Variants in EHBP1 observed in about 807,000 individuals in gnomAD.
The protein encoded by EHBP1 is EH domain binding protein 1, also known as EH domain-binding protein 1.
A neutral mutation model predicts 144.0 loss-of-function variants in EHBP1; 55 were observed. The observed-to-expected ratio is 0.38, with a 90% confidence interval of 0.31 to 0.48. The LOEUF is 0.48. Among genes scored for constraint, EHBP1 ranks in the 20% least tolerant of loss-of-function variants. EHBP1 has a pLI of 0.98. For synonymous variants in EHBP1, 469 were observed against 472.7 expected, an observed-to-expected ratio of 0.99 and a Z score of 0.10; for missense variants, 1,200 against 1,364.2, an observed-to-expected ratio of 0.88 and a Z score of 1.90.
intron 19 of EHBP1, among the ~76,000 whole-genome samples, chr2:63,023,707 A>G (rs1038718016): frequency 7.2e-5 from 11 of 152,276 alleles, no homozygotes; most frequent in Admixed American, 7.2e-4. Context: ...CCCTACTAGC[A>G]TGTTGTCCTC....
At chr2:63,026,334 G>GTGTGTGTC (rs1553517844) in intron 19 of EHBP1, among the ~76,000 whole-genome samples, 6 of 150,098 alleles carry the variant, frequency 4.0e-5, no homozygotes, top group African/African-American at 1.5e-4. Context: ...GTGTGTGTGT[G>GTGTGTGTC]TGTGTGTGTG....
intron 5 of EHBP1, among the ~76,000 whole-genome samples, chr2:62,773,155 C>T (rs902809418): frequency 2.0e-5 from 3 of 152,050 alleles, no homozygotes; most frequent in Admixed American, 6.6e-5. Context: ...TAAACCGAAA[C>T]GAGACAAACA....
At chr2:62,685,464 C>T (rs2033686936) in intron 1 of EHBP1, among the ~76,000 whole-genome samples, 1 of 152,074 alleles carries the variant, frequency 6.6e-6, no homozygotes, top group South Asian at 2.1e-4. Flanking sequence ...TCTGTGCCTT[C>T]ATCTTCACAT....
At chr2:62,878,498 C>T (rs886202568) in intron 10 of EHBP1, among the ~76,000 whole-genome samples, 3 of 152,136 alleles carry the variant, frequency 2.0e-5, no homozygotes, top group African/African-American at 7.2e-5. Flanking sequence ...CAAAACTTGG[C>T]AAAGACACAA....
At chr2:62,848,401 A>G (rs369517230) in intron 7 of EHBP1, among the ~76,000 whole-genome samples, 15 of 152,066 alleles carry the variant, frequency 9.9e-5, no homozygotes, top group African/African-American at 3.6e-4. Context: ...GTTTCTTACA[A>G]CACTGAACAT....
rs572834429 is a variant in EHBP1, at chr2:62,696,164, C to CTCTCTTTCTT, written c.-295-10730_-295-10729insCTTTCTTTCT. ...CCTTTCTCTCTCTCTCTCTCTCTCT[C>CTCTCTTTCTT]TCTTTCTTTCTTTCTTTGCTTTTTG... On this transcript the variant is annotated intron_variant, in intron 1 of 22. Coordinates refer to the EHBP1 transcript ENST00000405015. 1.8e-4 allele frequency among the ~76,000 whole-genome samples: 25 copies of CTCTCTTTCTT among 135,676 alleles called. No homozygotes were observed. In the South Asian group the frequency reaches 4.7e-3, roughly 25 times the overall value. The allele number at this position is 135,676 out of a possible 152,430, so 89.0% of individuals were successfully genotyped here.
chr2:62,917,000 G>A (rs1338631385), intron 10 of EHBP1, among the ~76,000 whole-genome samples: 1 of 151,898 alleles, frequency 6.6e-6, no homozygotes, highest in Non-Finnish European at 1.5e-5. Context: ...TAATGATTGG[G>A]ATACATTCTG....
At chr2:62,938,553 C>T (rs1270566467) in intron 10 of EHBP1, among the ~76,000 whole-genome samples, 3 of 152,204 alleles carry the variant, frequency 2.0e-5, no homozygotes, top group Admixed American at 2.0e-4. Context: ...TTACCGTTCA[C>T]ATGTAATCTG....
intron 9 of EHBP1, among the ~76,000 whole-genome samples, chr2:62,872,311 A>C (rs1472360849): frequency 6.6e-6 from 1 of 152,108 alleles, no homozygotes; most frequent in African/African-American, 2.4e-5. Flanking sequence ...TGATATAACT[A>C]ATTTATTACT....
chr2:62,762,738 A>T (rs955899848), intron 3 of EHBP1, among the ~76,000 whole-genome samples: 4 of 152,064 alleles, frequency 2.6e-5, no homozygotes, highest in Non-Finnish European at 5.9e-5. Flanking sequence ...TAACCATCAC[A>T]TCTCCCTTGG....
At chr2:62,992,180 A>G (rs1275236253) in intron 16 of EHBP1, among the ~76,000 whole-genome samples, 1 of 152,186 alleles carries the variant, frequency 6.6e-6, no homozygotes, top group Admixed American at 6.5e-5. Context: ...GCCTAAAAAA[A>G]TTTAGCTGTG....
At chr2:62,820,173 T>C (rs1399498583) in intron 5 of EHBP1, among the ~76,000 whole-genome samples, 1 of 138,702 alleles carries the variant, frequency 7.2e-6, no homozygotes, top group Non-Finnish European at 1.5e-5. Flanking sequence ...ATCGTGCCAA[T>C]GCGCTCTAGC....
intron 5 of EHBP1, among the ~76,000 whole-genome samples, chr2:62,809,040 C>T (rs1264826929): frequency 6.6e-6 from 1 of 152,114 alleles, no homozygotes; most frequent in Non-Finnish European, 1.5e-5. Flanking sequence ...GGCCTGTAAT[C>T]CCAGCACTTT....
intron 2 of EHBP1, among the ~76,000 whole-genome samples, chr2:62,739,566 A>C (rs2038489398): frequency 6.6e-6 from 1 of 152,196 alleles, no homozygotes. Flanking sequence ...TAAAGTATGA[A>C]GTATTATTTG....
chr2:62,906,911 A>G (rs889318239), intron 10 of EHBP1, among the ~76,000 whole-genome samples: 1 of 152,194 alleles, frequency 6.6e-6, no homozygotes, highest in Admixed American at 6.5e-5. Context: ...ACCTTTTGGA[A>G]TGGACTTTTT....
chr2:62,909,064 C>A (rs2054005591), intron 10 of EHBP1, among the ~76,000 whole-genome samples: 1 of 152,130 alleles, frequency 6.6e-6, no homozygotes, highest in Non-Finnish European at 1.5e-5. Context: ...TGAATAAATT[C>A]CTTAAAAATA....
chr2:62,976,331 A>G (rs2058711395), intron 14 of EHBP1, among the ~76,000 whole-genome samples: 1 of 152,192 alleles, frequency 6.6e-6, no homozygotes, highest in South Asian at 2.1e-4. Flanking sequence ...ATTTGTGAAA[A>G]AAAAATTGCC....
Position 62,874,539 on chromosome 2 carries a change from T to C in EHBP1, c.1185+7T>C, listed in dbSNP as rs892033279. Reference sequence around the variant, plus strand: ...TCTCTCTACTTCTCCTAAGGTAGGATTTTATTCATAGTAAAACATGTATTA... The same window carrying C: ...TCTCTCTACTTCTCCTAAGGTAGGACTTTATTCATAGTAAAACATGTATTA... On this transcript the variant is annotated splice_region_variant and intron_variant, in intron 10 of 22. Transcript: ENST00000431489. The C allele has an allele frequency of 6.4e-7, 1 of 1,574,566 alleles. No individual in the cohort carries two copies. Among genetic ancestry groups the C allele is most frequent in the Non-Finnish European group, 8.6e-7 (1 of 1,161,316 alleles).
chr2:62,892,408 T>G (rs567742593), intron 10 of EHBP1, among the ~76,000 whole-genome samples: 1 of 152,266 alleles, frequency 6.6e-6, no homozygotes, highest in East Asian at 1.9e-4. Flanking sequence ...TTAGCATAAA[T>G]AACAGGTTTT....
Sources: allele counts gnomAD v4.1 joint callset (sites outside exome capture counted in the v4.1 genomes callset), GRCh38; gene constraint gnomAD v4.1.1; transcripts MANE v1.5; gene names NCBI Gene and HGNC (gene_info 2026-07-23, HGNC 2026-07-21).